Variants in ZNF202 observed in about 807,000 individuals in gnomAD.
The protein encoded by ZNF202 is zinc finger protein with KRAB and SCAN domains 10.
Under a neutral mutation model 54.5 loss-of-function variants are expected in ZNF202, and 22 were observed. The observed-to-expected ratio is 0.40, with a 90% CI of 0.29 to 0.58. ZNF202 has a LOEUF of 0.58. ZNF202 is among the 20% of genes least tolerant of loss of function. The pLI is 0.39. For synonymous variants in ZNF202, 294 were observed against 301.4 expected, an observed-to-expected ratio of 0.98 and a Z score of 0.26; for missense variants, 644 against 805.5, an observed-to-expected ratio of 0.80 and a Z score of 2.43.
intron 6 of ZNF202, among the ~76,000 whole-genome samples, chr11:123,728,666 C>T (rs1479518756): frequency 6.6e-6 from 1 of 152,122 alleles, no homozygotes; most frequent in South Asian, 2.1e-4. Context: ...CTTTTTTCCT[C>T]AGTTAGATTA....
Position 123,726,336 on chromosome 11 carries a change from G to C in ZNF202, c.1608C>G (p.Pro536=), listed in dbSNP as rs1407273064. The change falls in exon 9 of 9, where the codon CCC becomes CCG. Residue 536 remains proline, a synonymous_variant. Transcript: ENST00000530393. The surrounding 1 kb of genome is among the most constrained non-coding windows in gnomAD (Gnocchi z 6.0). ...THQRIHLGGK[P]YLCGECGEDF... is the part of the protein sequence containing the mutation. ...CCTCACCACACTCTCCACACAAGTA[G>C]GGTTTGCCTCCCAGGTGGATTCTTT... The C allele has an allele frequency of 5.6e-6, 9 of 1,614,248 alleles. No individual in the cohort carries two copies. The highest frequency in any genetic ancestry group is 1.3e-5 in the African/African-American group (1 of 75,062).
At position 123,730,776 on chromosome 11, in the gene ZNF202, T is replaced by A; in HGVS notation, c.113A>T (p.Asp38Val). The A allele has an allele frequency of 6.2e-7, 1 of 1,614,174 alleles. No homozygotes were observed. The highest frequency in any genetic ancestry group is 8.5e-7 in the Non-Finnish European group (1 of 1,180,032). The change falls in exon 4 of 9, where the codon GAT becomes GTT. Residue 38 changes from aspartate to valine, a missense_variant. Physicochemically the swap from Asp to Val is radical, Grantham distance 152. Coordinates refer to ENST00000530393, the MANE Select transcript of ZNF202 (RefSeq NM_003455.4). This position sits in a 1 kb window ranked among gnomAD's most constrained non-coding sequence, Gnocchi z 6.0. ...TCRPESVLQRDDPVLETSHQN... is the reference protein window; with the variant it reads ...TCRPESVLQRVDPVLETSHQN... ...GTGGGAGGTTTCCAGCACCGGGTCA[T>A]CCCTCTGTAAGACAGACTCTGGCCG...
intron 3 of ZNF202, among the ~76,000 whole-genome samples, chr11:123,733,529 T>C (rs1861502346): frequency 1.3e-5 from 2 of 152,180 alleles, no homozygotes; most frequent in South Asian, 4.1e-4. Context: ...ATTTCATTTG[T>C]TTCTTCCTAA....
Position 123,725,479 on chromosome 11 carries a change from G to A in ZNF202, c.*518C>T, listed in dbSNP as rs531135805. The A allele has an allele frequency of 6.5e-6, 1 of 154,340 alleles. No homozygotes were observed. The highest frequency in any genetic ancestry group is 1.4e-5 in the Non-Finnish European group (1 of 69,390). 9.6% of individuals were successfully genotyped at this position (154,340 alleles called of 1,614,324 possible). ...AATCAGACAGCGAGGGATCTATGCAGTTATCCTGTGAATGTGTGGCAAAGC... is the reference window on the plus strand; with the variant it reads ...AATCAGACAGCGAGGGATCTATGCAATTATCCTGTGAATGTGTGGCAAAGC... On this transcript the variant is annotated 3_prime_UTR_variant, in exon 9 of 9. Coordinates refer to ENST00000530393, the MANE Select transcript of ZNF202 (RefSeq NM_003455.4).
intron 3 of ZNF202, among the ~76,000 whole-genome samples, chr11:123,737,525 G>A (rs976393046): frequency 6.6e-6 from 1 of 152,182 alleles, no homozygotes; most frequent in African/African-American, 2.4e-5. Context: ...AAGAGGTCAA[G>A]TATGTAGTGG....
intron 3 of ZNF202, among the ~76,000 whole-genome samples, chr11:123,734,710 T>A (rs757426620): frequency 5.9e-5 from 9 of 152,222 alleles, no homozygotes; most frequent in Non-Finnish European, 1.0e-4. Flanking sequence ...CCCAGCTCGA[T>A]GCCTGGCACA....
Position 123,730,399 on chromosome 11 carries a change from G to T in ZNF202, c.402+88C>A. On this transcript the variant is annotated intron_variant, in intron 4 of 8. Coordinates refer to ENST00000530393, the MANE Select transcript of ZNF202 (RefSeq NM_003455.4). The surrounding 1 kb of genome is among the most constrained non-coding windows in gnomAD (Gnocchi z 6.0). Reference sequence around the variant, plus strand: ...AGGGCAGAGCCCACTAATAATTTATGGGGATCCTGCAAGCTCTCCCCGCAA... The same window carrying T: ...AGGGCAGAGCCCACTAATAATTTATTGGGATCCTGCAAGCTCTCCCCGCAA... The T allele has an allele frequency of 6.9e-7, 1 of 1,454,624 alleles. No homozygotes were observed. The highest frequency in any genetic ancestry group is 1.5e-5 in the South Asian group (1 of 64,832). 90.1% of individuals were successfully genotyped at this position (1,454,624 alleles called of 1,614,324 possible).
At position 123,725,373 on chromosome 11, in the gene ZNF202, G is replaced by A. The variant is rs1015231834; in HGVS notation, c.*624C>T. ...GCTGGGGGAGGGAGCAGCTTGACAA[G>A]GTCCACATGAAGCAGCCTTGAGATT... On this transcript the variant is annotated 3_prime_UTR_variant, in exon 9 of 9. Transcript: ENST00000530393. The A allele has an allele frequency of 2.6e-5, 4 of 152,362 alleles. No individual in the cohort carries two copies. The highest frequency in any genetic ancestry group is 9.6e-5 in the African/African-American group (4 of 41,562). The allele number at this position is 152,362 out of a possible 1,614,324, so 9.4% of individuals were successfully genotyped here.
chr11:123,738,735 CTA>C (rs1861735849), intron 3 of ZNF202: 1 of 152,220 alleles, frequency 6.6e-6, no homozygotes, highest in Non-Finnish European at 1.5e-5. Context: ...AAGTCATTTA[CTA>C]TGTTTTTAGC....
In ZNF202 at chr11:123,730,962, A is replaced by G; in HGVS notation, c.-74T>C. Reference sequence around the variant, plus strand: ...TAGCCCCCCGCCTCAGCCTGGACACAGCGAGGATTTTCTTCCAAGGGCCCT... The same window carrying G: ...TAGCCCCCCGCCTCAGCCTGGACACGGCGAGGATTTTCTTCCAAGGGCCCT... On this transcript the variant is annotated 5_prime_UTR_variant, in exon 4 of 9. Coordinates refer to ENST00000530393, the MANE Select transcript of ZNF202 (RefSeq NM_003455.4). The surrounding 1 kb of genome is among the most constrained non-coding windows in gnomAD (Gnocchi z 6.0). 1 of 1,519,318 alleles carries G rather than the reference A, an allele frequency of 6.6e-7. No individual in the cohort carries two copies. The highest frequency in any genetic ancestry group is 8.8e-7 in the Non-Finnish European group (1 of 1,134,384). 94.1% of individuals were successfully genotyped at this position (1,519,318 alleles called of 1,614,324 possible).
chr11:123,731,212 GA>G (rs1375213352), intron 3 of ZNF202, among the ~76,000 whole-genome samples: 1 of 152,114 alleles, frequency 6.6e-6, no homozygotes, highest in African/African-American at 2.4e-5. Flanking sequence ...TACTCTGCAA[GA>G]AAATACTGCA....
intron 6 of ZNF202, among the ~76,000 whole-genome samples, chr11:123,728,764 A>T (rs1161527412): frequency 6.6e-6 from 1 of 152,002 alleles, no homozygotes; most frequent in Admixed American, 6.5e-5. Flanking sequence ...ATACTTCCTA[A>T]ATGTCTCAGC....
rs772452148 is a variant in ZNF202 at position 123,726,369 on chromosome 11, T to C, written c.1575A>G (p.Thr525=). 4 of 1,614,124 alleles carry C rather than the reference T, an allele frequency of 2.5e-6. No homozygotes were observed. Among genetic ancestry groups the C allele is most frequent in the Non-Finnish European group, 8.5e-7 (1 of 1,180,052 alleles). The stretch of plus-strand genomic sequence containing the variant: ...CTCCCAGGTGGATTCTTTGGTGTGT[T>C]GTTAACACAGATTTCTGGCTGAAGC... ...GKSFSQKSVL[T]THQRIHLGGK... is the part of the protein sequence containing the mutation. Residue 525 remains threonine (T), a synonymous_variant, in exon 9 of 9, where the codon ACA becomes ACG. Transcript: ENST00000530393. The surrounding 1 kb of genome is among the most constrained non-coding windows in gnomAD (Gnocchi z 6.0).
chr11:123,737,750 C>T (rs11219262), intron 3 of ZNF202, among the ~76,000 whole-genome samples: 80,701 of 152,018 alleles, frequency 0.53, 21,970 homozygotes, highest in Middle Eastern at 0.73. Context: ...AGATAGTTGC[C>T]TTCGGCGGAG....
chr11:123,733,649 C>T (rs536188708), intron 3 of ZNF202, among the ~76,000 whole-genome samples: 1 of 152,306 alleles, frequency 6.6e-6, no homozygotes, highest in South Asian at 2.1e-4. Flanking sequence ...CCTGGATCTC[C>T]TGGCCTCAAG....
rs958625275 is a variant in ZNF202 at position 123,725,110 on chromosome 11, G to C, written c.*887C>G. 5 of 152,170 alleles carry C rather than the reference G, an allele frequency of 3.3e-5. No individual in the cohort carries two copies. Among genetic ancestry groups the C allele is most frequent in the African/African-American group, 9.7e-5 (4 of 41,446 alleles). 9.4% of individuals were successfully genotyped at this position (152,170 alleles called of 1,614,324 possible). On this transcript the variant is annotated 3_prime_UTR_variant, in exon 9 of 9. Coordinates refer to ENST00000530393, the MANE Select transcript of ZNF202 (RefSeq NM_003455.4). ...TGGGCTTGTGCATATGAGGGAATGT[G>C]AACGATTTCATTATGACCGAATTAT...
intron 5 of ZNF202, 93 bp downstream of exon 5, chr11:123,729,522 C>A: frequency 7.3e-7 from 1 of 1,373,870 alleles, no homozygotes; most frequent in Non-Finnish European, 9.6e-7. Flanking sequence ...GTCTATCTAC[C>A]CAGCTTCCTT....
chr11:123,726,363 G>A lies in ZNF202; in HGVS notation c.1581C>T (p.His527=). 6.2e-7 allele frequency: 1 copy of A among 1,614,200 alleles called. No homozygotes were observed. Among genetic ancestry groups the A allele is most frequent in the African/African-American group, 1.3e-5 (1 of 75,052 alleles). ...GTTTGCCTCCCAGGTGGATTCTTTG[G>A]TGTGTTGTTAACACAGATTTCTGGC... ...SFSQKSVLTT[H]QRIHLGGKPY... Residue 527 remains histidine (H), a synonymous_variant, in exon 9 of 9, where the codon CAC becomes CAT. Coordinates refer to ENST00000530393, the MANE Select transcript of ZNF202 (RefSeq NM_003455.4). The surrounding 1 kb of genome is among the most constrained non-coding windows in gnomAD (Gnocchi z 6.0).
At chr11:123,739,692 T>C (rs1861781698) in intron 3 of ZNF202, 1 of 152,216 alleles carries the variant, frequency 6.6e-6, no homozygotes, top group African/African-American at 2.4e-5. Context: ...AAAGATCAGA[T>C]TACTAGTTTC....
Sources: allele counts gnomAD v4.1 joint callset (sites outside exome capture counted in the v4.1 genomes callset), GRCh38; gene constraint gnomAD v4.1.1; non-coding constraint Gnocchi (gnomAD v3.1); transcripts MANE v1.5; gene names NCBI Gene and HGNC (gene_info 2026-07-23, HGNC 2026-07-21).